The following KCNIP1 variants were observed in gnomAD, a reference collection of about 807,000 sequenced individuals.
KCNIP1 encodes the protein potassium voltage-gated channel interacting protein 1.
In KCNIP1, 18 loss-of-function variants were observed where a neutral mutation model predicts 33.0. That is an observed-to-expected ratio of 0.55 (90% CI 0.38 to 0.81). KCNIP1 has a LOEUF of 0.81. Ranked by LOEUF, KCNIP1 falls within the 30% of genes least tolerant of loss-of-function variation. The pLI is 0.00. For synonymous variants in KCNIP1, 93 were observed against 98.3 expected (o/e 0.95, Z 0.32); for missense variants, 238 against 271.6 (o/e 0.88, Z 0.87).
chr5:170,378,428 G>T, intron 1 of KCNIP1: 1 of 407,692 alleles, frequency 2.5e-6, no homozygotes, highest in Admixed American at 4.1e-5. Context: ...CCGGAAACAG[G>T]TATGAGTCAG....
chr5:170,473,643 C>T (rs1305510181), intron 1 of KCNIP1, among the ~76,000 whole-genome samples: 1 of 152,168 alleles, frequency 6.6e-6, no homozygotes, highest in African/African-American at 2.4e-5. Flanking sequence ...CCGTCAGTGA[C>T]ACCTGCACTC....
chr5:170,547,698 A>C (rs116409983), intron 1 of KCNIP1, among the ~76,000 whole-genome samples: 1 of 152,226 alleles, frequency 6.6e-6, no homozygotes, highest in Admixed American at 6.5e-5. Flanking sequence ...TGCAAAGGAC[A>C]TAATCCCCTT....
intron 1 of KCNIP1, among the ~76,000 whole-genome samples, chr5:170,381,563 A>G (rs1213063076): frequency 5.3e-5 from 8 of 152,292 alleles, no homozygotes; most frequent in African/African-American, 1.9e-4. Context: ...GCTTGGCAAA[A>G]ACACGAAGGG....
At chr5:170,693,336 C>A (rs571470363) in intron 1 of KCNIP1, among the ~76,000 whole-genome samples, 1 of 152,314 alleles carries the variant, frequency 6.6e-6, no homozygotes, top group African/African-American at 2.4e-5. Flanking sequence ...ACTCAGTCTA[C>A]CAGTCCTCCC....
intron 1 of KCNIP1, among the ~76,000 whole-genome samples, chr5:170,626,379 G>A (rs1028531935): frequency 6.6e-6 from 1 of 152,152 alleles, no homozygotes; most frequent in East Asian, 1.9e-4. Context: ...CTTTTCTAAC[G>A]AGAGTGTGCT....
intron 1 of KCNIP1, among the ~76,000 whole-genome samples, chr5:170,390,517 A>AAATATATATATATATATATATATATATAT: frequency 1.6e-4 from 12 of 74,524 alleles, no homozygotes; most frequent in African/African-American, 3.8e-4. Context: ...AAAAAAAACA[A>AAATATATATATATATATATATATATATAT]ATATATATAT....
At position 170,405,499 on chromosome 5, in the gene KCNIP1, C is replaced by T. The variant is rs138123782; in HGVS notation, c.88+51535C>T. Among the ~76,000 whole-genome samples the T allele has an allele frequency of 7.7e-3, 1,176 of 152,322 alleles. 19 individuals carry two copies. The highest frequency in any genetic ancestry group is 0.027 in the African/African-American group (1,131 of 41,554). On this transcript the variant is annotated intron_variant, in intron 1 of 7. Coordinates refer to the KCNIP1 transcript ENST00000377360. ...GATTATCAGCCTGAGCCGTTGTGCC[C>T]AGCTGAGAAGAGGGATTCTCAGCAG...
chr5:170,714,848 G>A (rs1763591851), intron 1 of KCNIP1, among the ~76,000 whole-genome samples: 1 of 152,034 alleles, frequency 6.6e-6, no homozygotes, highest in South Asian at 2.1e-4. Flanking sequence ...CAAATAGTTT[G>A]TAAAATAAAG....
chr5:170,501,883 G>A (rs1028700356), upstream of KCNIP1, among the ~76,000 whole-genome samples: 1 of 152,194 alleles, frequency 6.6e-6, no homozygotes, highest in Admixed American at 6.5e-5. Flanking sequence ...AACAGAGAAG[G>A]CAGGAGGGAA....
At chr5:170,646,284 A>T (rs1429311706) in intron 1 of KCNIP1, among the ~76,000 whole-genome samples, 5 of 152,208 alleles carry the variant, frequency 3.3e-5, no homozygotes, top group African/African-American at 1.2e-4. Flanking sequence ...AGACAAAGAC[A>T]TCAGAAAAGA....
intron 1 of KCNIP1, among the ~76,000 whole-genome samples, chr5:170,518,046 ATGGTGGTG>A (rs1755214217): frequency 6.6e-6 from 1 of 151,016 alleles, no homozygotes; most frequent in Non-Finnish European, 1.5e-5. Flanking sequence ...AATAGTAATG[ATGGTGGTG>A]TGGTCATAAT....
chr5:170,442,769 G>A (rs1211727533), intron 1 of KCNIP1, among the ~76,000 whole-genome samples: 1 of 152,212 alleles, frequency 6.6e-6, no homozygotes, highest in Non-Finnish European at 1.5e-5. Flanking sequence ...GTGTAGACAT[G>A]TTTCACACAG....
intron 1 of KCNIP1, among the ~76,000 whole-genome samples, chr5:170,414,386 C>G (rs1755273439): frequency 6.6e-6 from 1 of 152,222 alleles, no homozygotes; most frequent in South Asian, 2.1e-4. Context: ...CTGTAGCCTA[C>G]ACTTGTGCCG....
chr5:170,733,142 T>A (rs1764263237), intron 6 of KCNIP1, among the ~76,000 whole-genome samples: 3 of 152,200 alleles, frequency 2.0e-5, no homozygotes. Flanking sequence ...GAACTCTAAA[T>A]CCATAAAAAT....
At chr5:170,612,226 G>T (rs1251575947) in intron 1 of KCNIP1, among the ~76,000 whole-genome samples, 1 of 152,190 alleles carries the variant, frequency 6.6e-6, no homozygotes, top group East Asian at 1.9e-4. Flanking sequence ...CATGGAGTGG[G>T]TCCCACTCTA....
chr5:170,645,845 G>A (rs1760762292), intron 1 of KCNIP1, among the ~76,000 whole-genome samples: 1 of 151,952 alleles, frequency 6.6e-6, no homozygotes, highest in Admixed American at 6.6e-5. Flanking sequence ...AATACTTGGA[G>A]ATTAAACAAC....
intron 1 of KCNIP1, chr5:170,354,040 C>T (rs911550836): frequency 1.4e-5 from 18 of 1,325,726 alleles, no homozygotes; most frequent in Middle Eastern, 3.6e-4. Flanking sequence ...GTGTGGTGAG[C>T]GTGACCATTC....
intron 1 of KCNIP1, among the ~76,000 whole-genome samples, chr5:170,583,559 C>T (rs570877421): frequency 6.6e-6 from 1 of 152,338 alleles, no homozygotes; most frequent in South Asian, 2.1e-4. Context: ...TTTAGAGATG[C>T]TTTAGCTAGC....
intron 1 of KCNIP1, among the ~76,000 whole-genome samples, chr5:170,571,853 C>G (rs1021368773): frequency 6.6e-6 from 1 of 152,130 alleles, no homozygotes; most frequent in South Asian, 2.1e-4. Flanking sequence ...TACAAAATAC[C>G]GAAGAATATT....
Sources: allele counts gnomAD v4.1 joint callset (sites outside exome capture counted in the v4.1 genomes callset), GRCh38; gene constraint gnomAD v4.1.1; transcripts MANE v1.5; gene names NCBI Gene and HGNC (gene_info 2026-07-23, HGNC 2026-07-21).